OTC: variants seen among roughly 807,000 people sequenced by gnomAD.
OTC encodes ornithine transcarbamylase, also known as ornithine transcarbamylase, mitochondrial.
OTC carries 3 observed loss-of-function variants against 30.3 expected under a neutral mutation model. The observed-to-expected ratio is 0.10, with a 90% confidence interval of 0.05 to 0.26. The LOEUF (loss-of-function observed/expected upper bound fraction) is 0.26, where lower values mean the gene tolerates loss of function less well. Ranked by LOEUF, OTC falls within the 10% of genes least tolerant of loss-of-function variation. The pLI is 1.00. For synonymous variants in OTC, 111 were observed against 99.7 expected, an observed-to-expected ratio of 1.11 and a Z score of -0.67; for missense variants, 194 against 260.3, an observed-to-expected ratio of 0.75 and a Z score of 1.75.
chrX:38,416,081 TAAG>T (rs1309906483), intron 9 of OTC, among the ~76,000 whole-genome samples: 1 of 111,638 alleles, frequency 9.0e-6, no homozygotes, highest in African/African-American at 3.3e-5. Context: ...GAGGATGAAA[TAAG>T]AAAGGAAAGC....
At chrX:38,398,792 A>G (rs1190780119) in intron 4 of OTC, among the ~76,000 whole-genome samples, 5 of 111,943 alleles carry the variant, frequency 4.5e-5, no homozygotes, top group African/African-American at 9.7e-5. Flanking sequence ...TGTTTTAGTA[A>G]GAGGACAAAG....
upstream of OTC, among the ~76,000 whole-genome samples, chrX:38,347,625 A>T (rs1406362281): frequency 8.0e-5 from 9 of 112,445 alleles, no homozygotes; most frequent in Admixed American, 8.5e-4. Context: ...AGTAATCGCC[A>T]TCTGTCTTGT....
chrX:38,409,101 T>G, intron 8 of OTC, 76 bp downstream of exon 8: 1 of 1,038,435 alleles, frequency 9.6e-7, no homozygotes, highest in Non-Finnish European at 1.4e-6. Context: ...CTTATTCACT[T>G]TAGGGGGAGC....
chrX:38,383,216 A>G (rs865964490), intron 4 of OTC, among the ~76,000 whole-genome samples: 3 of 111,580 alleles, frequency 2.7e-5, no homozygotes, highest in Non-Finnish European at 5.6e-5. Context: ...CATTTTGACC[A>G]TTTTGTCTTA....
At chrX:38,397,606 T>A (rs189380621) in intron 4 of OTC, among the ~76,000 whole-genome samples, 148 of 112,188 alleles carry the variant, frequency 1.3e-3, no homozygotes, top group Non-Finnish European at 1.9e-3. Flanking sequence ...ACGTCTTTTA[T>A]AAGTGTGTAA....
chrX:38,376,444 A>G (rs1201208145), intron 3 of OTC, among the ~76,000 whole-genome samples: 1 of 111,978 alleles, frequency 8.9e-6, no homozygotes, highest in Non-Finnish European at 1.9e-5. Context: ...TACATGGGGC[A>G]TGGAAAATTC....
chrX:38,401,866 T>G (rs1256127135), intron 5 of OTC, among the ~76,000 whole-genome samples: 2 of 111,972 alleles, frequency 1.8e-5, no homozygotes, highest in East Asian at 2.8e-4. Context: ...GGGGGACACT[T>G]TCTATCATTT....
chrX:38,361,728 A>C (rs1310148460), intron 1 of OTC, among the ~76,000 whole-genome samples: 4 of 112,376 alleles, frequency 3.6e-5, no homozygotes, highest in South Asian at 3.7e-4. Flanking sequence ...AAGGAAATAA[A>C]GCACTATAAT....
rs35048362 is a variant in OTC, at chrX:38,386,372, C to CAA, written c.386+4957_386+4958dup. Among the ~76,000 whole-genome samples the CAA allele has an allele frequency of 5.2e-3, 434 of 84,014 alleles. 2 individuals are homozygous for CAA. The highest frequency in any genetic ancestry group is 0.018 in the African/African-American group (390 of 21,990). The allele number at this position is 84,014 out of a possible 115,157, so 73.0% of individuals were successfully genotyped here. On this transcript the variant is annotated intron_variant, in intron 4 of 9. Coordinates refer to ENST00000039007, the MANE Select transcript of OTC (RefSeq NM_000531.6). ...TGGGTGACAGAGTGAGACTCCATCT[C>CAA]AAAAAAAAAAAAAAATATATATATA...
At chrX:38,411,188 T>G (rs901792492) in intron 8 of OTC, among the ~76,000 whole-genome samples, 2 of 110,221 alleles carry the variant, frequency 1.8e-5, no homozygotes, top group East Asian at 5.7e-4. Flanking sequence ...AAATATAATA[T>G]TATCACACCA....
At chrX:38,400,380 C>T (rs1390918625) in intron 4 of OTC, among the ~76,000 whole-genome samples, 1 of 111,461 alleles carries the variant, frequency 9.0e-6, no homozygotes. Context: ...TTTGTAAGCA[C>T]CAGAGTTTAT....
In OTC at chrX:38,352,647, C is replaced by A; in HGVS notation, c.-50C>A. 1.0e-6 allele frequency: 1 copy of A among 996,170 alleles called. No homozygotes were observed. Among genetic ancestry groups the A allele is most frequent in the Non-Finnish European group, 1.4e-6 (1 of 699,518 alleles). The allele number at this position is 996,170 out of a possible 1,213,427, so 82.1% of individuals were successfully genotyped here. A position where few individuals can be genotyped will look rare whatever the true frequency, so the allele number is the denominator to read the frequency against. Reference sequence around the variant, plus strand: ...TAGGTGGCCCCCGCTGGCTAACTTGCTGTGGAGTTTTCAAGGGCATAGAAT... The same window carrying A: ...TAGGTGGCCCCCGCTGGCTAACTTGATGTGGAGTTTTCAAGGGCATAGAAT... On this transcript the variant is annotated 5_prime_UTR_variant, in exon 1 of 10. It adds an upstream start codon to the 5' untranslated region. Transcript: ENST00000039007.
the OTC span, among the ~76,000 whole-genome samples, chrX:38,337,550 T>G: frequency 8.9e-6 from 1 of 111,792 alleles, no homozygotes; most frequent in Non-Finnish European, 1.9e-5. Context: ...TGGTCTTCTC[T>G]CCCTCCACGT....
intron 4 of OTC, among the ~76,000 whole-genome samples, chrX:38,389,251 A>C (rs2068419226): frequency 8.9e-6 from 1 of 111,805 alleles, no homozygotes; most frequent in South Asian, 3.8e-4. Context: ...CATTCAACCC[A>C]CTATAACCAC....
the OTC span, among the ~76,000 whole-genome samples, chrX:38,332,504 T>TTATA: frequency 0.018 from 704 of 39,328 alleles, 34 homozygotes; most frequent in African/African-American, 0.046. Context: ...GCCCTAGATT[T>TTATA]TATATATATA....
chrX:38,417,102 AT>A (rs1279897298), intron 9 of OTC, among the ~76,000 whole-genome samples: 2 of 111,310 alleles, frequency 1.8e-5, no homozygotes, highest in African/African-American at 3.3e-5. Context: ...ATATTTTTAT[AT>A]TTTTTTGTCT....
chrX:38,361,579 G>C (rs1170134849), intron 1 of OTC, among the ~76,000 whole-genome samples: 2 of 111,894 alleles, frequency 1.8e-5, no homozygotes, highest in African/African-American at 6.5e-5. Flanking sequence ...AAAGTGCAAA[G>C]GAAAATGTTG....
chrX:38,384,489 T>C (rs1041408959), intron 4 of OTC, among the ~76,000 whole-genome samples: 1 of 112,593 alleles, frequency 8.9e-6, no homozygotes, highest in Non-Finnish European at 1.9e-5. Flanking sequence ...CTTCCACAGA[T>C]GCAATTGAAT....
At position 38,421,273 on chromosome X, in the gene OTC, G is replaced by A. The variant is rs753921852; in HGVS notation, c.*191G>A. The A allele has an allele frequency of 3.1e-5, 13 of 416,788 alleles. No homozygotes were observed. The highest frequency in any genetic ancestry group is 1.7e-4 in the South Asian group (5 of 29,092). 34.3% of individuals were successfully genotyped at this position (416,788 alleles called of 1,213,427 possible). On this transcript the variant is annotated 3_prime_UTR_variant, in exon 10 of 10. Coordinates refer to ENST00000039007, the MANE Select transcript of OTC (RefSeq NM_000531.6). ...TTTAAGTGCTGATGCACTGTAATAC[G>A]TGCTTAACTTTGCTTAAACTCTCTA...
Sources: gnomAD v4.1 joint callset for allele counts (sites outside exome capture counted in the v4.1 genomes callset) on GRCh38, gnomAD v4.1.1 for gene constraint, MANE v1.5 for transcripts, NCBI Gene and HGNC (gene_info 2026-07-23, HGNC 2026-07-21) for gene names.